GNAS-AS1: variants seen among roughly 807,000 people sequenced by gnomAD.
GNAS-AS1 encodes the protein GNAS antisense RNA 1, also known as GNAS antisense RNA 1 (non-protein coding).
chr20:58,833,877 GGATGGACTGATTACAGTGCCCA>G (rs1376337150), intron 4 of GNAS-AS1: 1 of 152,224 alleles, frequency 6.6e-6, no homozygotes, highest in African/African-American at 2.4e-5. Flanking sequence ...CCAGTTATCA[GGATGGACTGATTACAGTGCCCA>G]GATTCATTTG....
intron 4 of GNAS-AS1, chr20:58,838,887 A>C: frequency 2.6e-6 from 1 of 380,450 alleles, no homozygotes. Flanking sequence ...AGTGCACTCC[A>C]GCTTGGGTGA....
exon 1 of GNAS-AS1, chr20:58,850,836 C>T: frequency 2.5e-6 from 1 of 398,820 alleles, no homozygotes; most frequent in African/African-American, 2.1e-5. Flanking sequence ...CCGCCATACA[C>T]CCGCCCCCCA....
chr20:58,821,672 A>G (rs1438322866), intron 4 of GNAS-AS1, among the ~76,000 whole-genome samples: 2 of 152,146 alleles, frequency 1.3e-5, no homozygotes, highest in Non-Finnish European at 2.9e-5. Flanking sequence ...GGAGACTCAC[A>G]CTTCTTCAGA....
At chr20:58,849,028 T>C (rs1413017146) in intron 1 of GNAS-AS1, 1 of 396,056 alleles carries the variant, frequency 2.5e-6, no homozygotes, top group Middle Eastern at 6.3e-4. Context: ...CCTATTTAAA[T>C]CTAAGGGTCC....
chr20:58,840,131 C>G lies in GNAS-AS1; in HGVS notation n.819+1806G>C. On this transcript the variant is annotated intron_variant and non_coding_transcript_variant, in intron 4 of 4. Coordinates refer to ENST00000424094, the Ensembl canonical transcript of GNAS-AS1. The surrounding 1 kb of genome is among the most constrained non-coding windows in gnomAD (Gnocchi z 6.0). Reference sequence around the variant, plus strand: ...GATGGATCGGAGGTCCCGGGCTCAGCAGTGGCGCCGAGCTCGCCATAATTA... The same window carrying G: ...GATGGATCGGAGGTCCCGGGCTCAGGAGTGGCGCCGAGCTCGCCATAATTA... 6.2e-7 allele frequency: 1 copy of G among 1,611,496 alleles called. No homozygotes were observed. The highest frequency in any genetic ancestry group is 8.5e-7 in the Non-Finnish European group (1 of 1,179,970).
intron 4 of GNAS-AS1, chr20:58,834,335 G>A (rs2085587764): frequency 6.6e-6 from 1 of 152,546 alleles, no homozygotes; most frequent in Admixed American, 6.5e-5. Context: ...ATGGCTGCTG[G>A]TGGGCAGGGC....
chr20:58,828,053 A>G (rs1338514215), intron 4 of GNAS-AS1, among the ~76,000 whole-genome samples: 1 of 152,172 alleles, frequency 6.6e-6, no homozygotes, highest in Non-Finnish European at 1.5e-5. Flanking sequence ...CCTTTCTTGT[A>G]CCTTAATGCT....
exon 3 of GNAS-AS1, chr20:58,842,482 C>A: frequency 2.5e-6 from 1 of 398,624 alleles, no homozygotes; most frequent in Non-Finnish European, 4.4e-6. Flanking sequence ...GGCGTCGCGG[C>A]GCCCAAGACT....
chr20:58,835,465 G>C (rs1045774558), intron 4 of GNAS-AS1, among the ~76,000 whole-genome samples: 1 of 152,026 alleles, frequency 6.6e-6, no homozygotes, highest in Admixed American at 6.5e-5. Flanking sequence ...AGAAACAAGT[G>C]GATTGAAAGC....
At chr20:58,828,816 C>T (rs1402194584) in intron 4 of GNAS-AS1, among the ~76,000 whole-genome samples, 3 of 152,164 alleles carry the variant, frequency 2.0e-5, no homozygotes, top group East Asian at 1.9e-4. Flanking sequence ...GAACTCTTAG[C>T]CCCACCACCC....
intron 4 of GNAS-AS1, among the ~76,000 whole-genome samples, chr20:58,824,241 C>A (rs1009032300): frequency 6.6e-6 from 1 of 152,256 alleles, no homozygotes; most frequent in African/African-American, 2.4e-5. Flanking sequence ...GAAACCAGAG[C>A]AGCAGAAGCT....
In GNAS-AS1 at chr20:58,840,979, G is replaced by A. The variant is rs1307902400; in HGVS notation, n.819+958C>T. ...TGAGAAGGAAAGGCAGGTCAGGGGC[G>A]AGTGGGAAGAGAGGAGGCTCAGCTG... is the stretch of plus-strand genomic sequence containing the variant. On this transcript the variant is annotated intron_variant and non_coding_transcript_variant, in intron 4 of 4. Transcript: ENST00000424094. This position sits in a 1 kb window ranked among gnomAD's most constrained non-coding sequence, Gnocchi z 6.0. 1.2e-5 allele frequency: 16 copies of A among 1,346,882 alleles called. No individual in the cohort carries two copies. In the East Asian group the frequency reaches 3.2e-4, roughly 27 times the overall value. The allele number at this position is 1,346,882 out of a possible 1,614,324, so 83.4% of individuals were successfully genotyped here.
At position 58,840,558 on chromosome 20, in the gene GNAS-AS1, A is replaced by T. The variant is rs2085678573; in HGVS notation, n.819+1379T>A. On this transcript the variant is annotated intron_variant and non_coding_transcript_variant, in intron 4 of 4. Transcript: ENST00000424094. This position sits in a 1 kb window ranked among gnomAD's most constrained non-coding sequence, Gnocchi z 6.0. The stretch of plus-strand genomic sequence containing the variant: ...GACGATCGCGGCCCGGTGGTGCCCA[A>T]GCACTCCACCTTCGGCCAGTCCCTC... The T allele has an allele frequency of 1.9e-6, 3 of 1,613,062 alleles. No homozygotes were observed. The East Asian group carries it at 6.7e-5, about 36-fold the overall frequency.
intron 4 of GNAS-AS1, among the ~76,000 whole-genome samples, chr20:58,830,148 C>G (rs2085544832): frequency 6.6e-6 from 1 of 151,038 alleles, no homozygotes; most frequent in Admixed American, 6.6e-5. Context: ...ACCACCATAC[C>G]ACCACCACCA....
At chr20:58,839,061 T>C (rs966163943) in intron 4 of GNAS-AS1, 22 of 398,212 alleles carry the variant, frequency 5.5e-5, no homozygotes, top group African/African-American at 3.3e-4. Flanking sequence ...CCTTTACCCA[T>C]GCTCTCAGCT....
At chr20:58,843,124 C>T (rs1361633363) in intron 2 of GNAS-AS1, among the ~76,000 whole-genome samples, 12 of 151,974 alleles carry the variant, frequency 7.9e-5, no homozygotes, top group South Asian at 2.1e-4. Context: ...AACTGCCTCG[C>T]CATCTGCATT....
chr20:58,830,466 A>AC (rs2085555165), intron 4 of GNAS-AS1, among the ~76,000 whole-genome samples: 4 of 64,784 alleles, frequency 6.2e-5, no homozygotes, highest in East Asian at 5.2e-4. Context: ...CACCACCACC[A>AC]CACCACCATC....
At position 58,825,723 on chromosome 20, in the gene GNAS-AS1, G is replaced by T. The variant is rs575911616; in HGVS notation, n.820-6468C>A. On this transcript the variant is annotated intron_variant and non_coding_transcript_variant, in intron 4 of 4. Transcript: ENST00000424094. Reference sequence around the variant, plus strand: ...GTTCTAATTTCTAAGGTACTTTTGCGCTTAGATGGTTTTAACTGTAGTCTC... The same window carrying T: ...GTTCTAATTTCTAAGGTACTTTTGCTCTTAGATGGTTTTAACTGTAGTCTC... Among the ~76,000 whole-genome samples, 15 of 152,290 alleles carry T rather than the reference G, an allele frequency of 9.8e-5. No homozygotes were observed. The East Asian group carries it at 2.9e-3, about 29-fold the overall frequency.
At chr20:58,849,836 C>T (rs974452192) in intron 1 of GNAS-AS1, among the ~76,000 whole-genome samples, 1 of 152,190 alleles carries the variant, frequency 6.6e-6, no homozygotes, top group Non-Finnish European at 1.5e-5. Flanking sequence ...CCTTTGTTCT[C>T]GATCAGGATC....
Sources: allele counts gnomAD v4.1 joint callset (sites outside exome capture counted in the v4.1 genomes callset), GRCh38; gene constraint gnomAD v4.1.1; non-coding constraint Gnocchi (gnomAD v3.1); transcripts MANE v1.5; gene names NCBI Gene and HGNC (gene_info 2026-07-23, HGNC 2026-07-21).